The following KIF21A variants were observed in gnomAD, a reference collection of about 807,000 sequenced individuals.
The protein encoded by KIF21A is kinesin-like protein KIF21A.
In KIF21A, 114 loss-of-function variants were observed where a neutral mutation model predicts 202.9. The observed-to-expected ratio is 0.56, with a 90% confidence interval of 0.48 to 0.66. The LOEUF is 0.66. Ranked by LOEUF, KIF21A falls within the 30% of genes least tolerant of loss-of-function variation. The pLI, the probability that KIF21A is intolerant of heterozygous loss-of-function variation, is 0.00. For synonymous variants in KIF21A, 667 were observed against 670.8 expected, an observed-to-expected ratio of 0.99 and a Z score of 0.09; for missense variants, 1,677 against 1,994.9, an observed-to-expected ratio of 0.84 and a Z score of 3.04.
At chr12:39,332,816 C>A (rs913758261) in intron 19 of KIF21A, 72 bp from the exon 20 acceptor site, 8 of 1,602,380 alleles carry the variant, frequency 5.0e-6, no homozygotes, top group East Asian at 2.2e-5. Context: ...AAATAATGAG[C>A]CATTTTTTCA....
chr12:39,367,989 T>C lies in KIF21A; in HGVS notation c.494A>G (p.Asp165Gly). ...TGATTTTTTACTTTTTGCATCAATA[T>C]CACGAGTGGTATCAAATAAGTCAAG... ...EVLDLFDTTR[D>G]IDAKSKKSNI... The change falls in exon 4 of 38, where the codon GAT becomes GGT. Residue 165 changes from aspartate (D) to glycine (G), a missense_variant. By Grantham distance (94) the Asp-to-Gly change is moderately conservative (BLOSUM62 -1). Transcript: ENST00000361418. The C allele has an allele frequency of 6.3e-7, 1 of 1,599,160 alleles. No individual in the cohort carries two copies. Among genetic ancestry groups the C allele is most frequent in the Non-Finnish European group, 8.6e-7 (1 of 1,167,314 alleles).
intron 1 of KIF21A, among the ~76,000 whole-genome samples, chr12:39,394,060 C>T (rs1219292640): frequency 6.6e-6 from 1 of 152,202 alleles, no homozygotes; most frequent in African/African-American, 2.4e-5. Context: ...ACTACTAAAC[C>T]AATCTGCAGG....
At chr12:39,415,454 AT>A (rs1474331108) in intron 1 of KIF21A, among the ~76,000 whole-genome samples, 1 of 151,900 alleles carries the variant, frequency 6.6e-6, no homozygotes, top group Non-Finnish European at 1.5e-5. Flanking sequence ...ATTAGCCAGG[AT>A]GGTCTCGATC....
chr12:39,333,249 C>CT lies in KIF21A; in HGVS notation c.2449dup (p.Arg817LysfsTer12). The CT allele has an allele frequency of 6.2e-7, 1 of 1,613,082 alleles. No homozygotes were observed. Among genetic ancestry groups the CT allele is most frequent in the South Asian group, 1.1e-5 (1 of 91,042 alleles). ...GCGACGTAGAACCACTTCTTGGTTT[C>CT]TTTTTTGGGCTTCCAGAAGTCTAAG... On this transcript the variant is annotated frameshift_variant, in exon 18 of 38. Coordinates refer to ENST00000361418, the MANE Select transcript of KIF21A (RefSeq NM_001173464.2). LOFTEE classifies it high-confidence loss of function.
Position 39,348,627 on chromosome 12 carries a change from A to AACAATAAATTAAAAGACACAGAC in KIF21A, c.1674-2124_1674-2123insGTCTGTGTCTTTTAATTTATTGT, listed in dbSNP as rs1948107558. Among the ~76,000 whole-genome samples, 7 of 152,110 alleles carry AACAATAAATTAAAAGACACAGAC rather than the reference A, an allele frequency of 4.6e-5. 1 individual carries two copies. The highest frequency in any genetic ancestry group is 3.9e-4 in the Admixed American group (6 of 15,246). ...CTCCAACCAAAAATCTACAACACAA[A>AACAATAAATTAAAAGACACAGAC]ACAATAAATTAAAAGACACAGAGCT... On this transcript the variant is annotated intron_variant, in intron 11 of 37. Coordinates refer to ENST00000361418, the MANE Select transcript of KIF21A (RefSeq NM_001173464.2).
In KIF21A at chr12:39,332,931, T is replaced by C; in HGVS notation, c.2664A>G (p.Arg888=). The change falls in exon 19 of 38, where the codon AGA becomes AGG. Residue 888 remains arginine (R), a synonymous_variant. Coordinates refer to ENST00000361418, the MANE Select transcript of KIF21A (RefSeq NM_001173464.2). Reference sequence around the variant, plus strand: ...TTGCCGGCGTTGGTAAGGCCTGGACTCTCGCCACAGGAATTCTCATTTTCT... The same window carrying C: ...TTGCCGGCGTTGGTAAGGCCTGGACCCTCGCCACAGGAATTCTCATTTTCT... ...AQQKMRIPVA[R]VQALPTPATN... 2 of 1,614,070 alleles carry C rather than the reference T, an allele frequency of 1.2e-6. No individual in the cohort carries two copies. The highest frequency in any genetic ancestry group is 8.5e-7 in the Non-Finnish European group (1 of 1,180,020).
In KIF21A at chr12:39,425,373, T is replaced by C. The variant is rs59438080; in HGVS notation, c.44+17554A>G. 1.9e-3 allele frequency among the ~76,000 whole-genome samples: 288 copies of C among 152,336 alleles called. 7 individuals are homozygous for C. The East Asian group carries it at 0.044, about 23-fold the overall frequency. ...ACACCAGTGGCAGTCAAATGGTTTTTGACAGACTGAATAAAGTCTCCGTAA... is the reference window on the plus strand; with the variant it reads ...ACACCAGTGGCAGTCAAATGGTTTTCGACAGACTGAATAAAGTCTCCGTAA... On this transcript the variant is annotated intron_variant, in intron 1 of 37. Coordinates refer to ENST00000361418, the MANE Select transcript of KIF21A (RefSeq NM_001173464.2).
chr12:39,366,050 G>A (rs1415414250), intron 6 of KIF21A, among the ~76,000 whole-genome samples: 2 of 152,040 alleles, frequency 1.3e-5, no homozygotes, highest in African/African-American at 4.8e-5. Flanking sequence ...GATTTTGACA[G>A]TATATTGTTA....
chr12:39,313,615 A>G (rs1364515657), intron 31 of KIF21A, among the ~76,000 whole-genome samples: 2 of 151,864 alleles, frequency 1.3e-5, no homozygotes, highest in Admixed American at 6.6e-5. Flanking sequence ...TATCTAGTCA[A>G]TCTTTACCTA....
chr12:39,355,676 G>A (rs1459670589), intron 10 of KIF21A, among the ~76,000 whole-genome samples: 1 of 127,140 alleles, frequency 7.9e-6, no homozygotes, highest in Non-Finnish European at 1.6e-5. Context: ...GTGCCTCAAA[G>A]GTCTCTACCA....
chr12:39,307,445 C>T, intron 34 of KIF21A, 120 bp downstream of exon 34: 2 of 844,530 alleles, frequency 2.4e-6, no homozygotes, highest in East Asian at 5.2e-5. Flanking sequence ...AATAAAAAAG[C>T]CTATGATTTT....
chr12:39,310,339 T>C (rs1197451053), intron 32 of KIF21A, among the ~76,000 whole-genome samples: 2 of 152,080 alleles, frequency 1.3e-5, no homozygotes, highest in East Asian at 3.8e-4. Context: ...AAAGAACATA[T>C]GTTTTTTTAA....
chr12:39,394,408 A>C (rs1223291867), intron 1 of KIF21A, among the ~76,000 whole-genome samples: 1 of 152,232 alleles, frequency 6.6e-6, no homozygotes, highest in Non-Finnish European at 1.5e-5. Flanking sequence ...GACATAAATA[A>C]AACATTGGCT....
intron 6 of KIF21A, among the ~76,000 whole-genome samples, chr12:39,365,512 C>T (rs904981510): frequency 6.6e-6 from 1 of 152,170 alleles, no homozygotes; most frequent in African/African-American, 2.4e-5. Context: ...AAGCTTTATG[C>T]TAACTAAATC....
rs569249504 is a variant in KIF21A at position 39,406,546 on chromosome 12, A to G, written c.45-36285T>C. On this transcript the variant is annotated intron_variant, in intron 1 of 37. Coordinates refer to ENST00000361418, the MANE Select transcript of KIF21A (RefSeq NM_001173464.2). ...CCAAAATGTTCACTCCCTCCTGTGA[A>G]GGAACAAAGCCTGTGTTCTAGGTCA... 3.3e-5 allele frequency among the ~76,000 whole-genome samples: 5 copies of G among 152,364 alleles called. No individual in the cohort carries two copies. The South Asian group carries it at 1.0e-3, about 32-fold the overall frequency.
intron 1 of KIF21A, among the ~76,000 whole-genome samples, chr12:39,373,231 G>A (rs545754668): frequency 1.9e-4 from 29 of 152,272 alleles, no homozygotes; most frequent in South Asian, 1.7e-3. Context: ...ACTAGTAGCC[G>A]TGGTGATGGT....
chr12:39,360,221 AT>A (rs891522503), intron 7 of KIF21A, among the ~76,000 whole-genome samples: 1 of 152,126 alleles, frequency 6.6e-6, no homozygotes, highest in African/African-American at 2.4e-5. Flanking sequence ...AAAAAAAGCT[AT>A]TTATTTTAAA....
At chr12:39,350,716 A>G (rs1364058069) in intron 11 of KIF21A, among the ~76,000 whole-genome samples, 1 of 152,054 alleles carries the variant, frequency 6.6e-6, no homozygotes, top group Non-Finnish European at 1.5e-5. Flanking sequence ...TTCAATTGCA[A>G]TGCCTACTAA....
chr12:39,357,395 C>T lies in KIF21A; in HGVS notation c.1258G>A (p.Asp420Asn). The T allele has an allele frequency of 6.2e-7, 1 of 1,614,090 alleles. No homozygotes were observed. The part of the protein sequence containing the change: ...IDEEGVESIN[D>N]MFHENAMLQT... Reference sequence around the variant, plus strand: ...AGCATAGCATTCTCATGAAACATGTCATTGATGCTTTCCACACCCTCTTCG... The same window carrying T: ...AGCATAGCATTCTCATGAAACATGTTATTGATGCTTTCCACACCCTCTTCG... The change falls in exon 9 of 38, where the codon GAC becomes AAC. Residue 420 changes from aspartate to asparagine, a missense_variant. By Grantham distance (23) the Asp-to-Asn change is conservative. Around this residue, in one of 3 missense-constraint regions of KIF21A, gnomAD observed 966 missense variants for 1,180.9 expected, o/e 0.82. Coordinates refer to ENST00000361418, the MANE Select transcript of KIF21A (RefSeq NM_001173464.2).
Sources: allele counts gnomAD v4.1 joint callset (sites outside exome capture counted in the v4.1 genomes callset), GRCh38; gene constraint gnomAD v4.1.1; regional missense constraint gnomAD v4.1.1; transcripts MANE v1.5; gene names NCBI Gene and HGNC (gene_info 2026-07-23, HGNC 2026-07-21).